FAT3: variants seen among roughly 807,000 people sequenced by gnomAD.
FAT3 encodes the protein FAT atypical cadherin 3.
A neutral mutation model predicts 310.2 loss-of-function variants in FAT3; 95 were observed. The observed-to-expected ratio is 0.31, with a 90% CI of 0.26 to 0.36. The LOEUF (loss-of-function observed/expected upper bound fraction) is 0.36, where lower values mean the gene tolerates loss of function less well. Among genes scored for constraint, FAT3 ranks in the 10% least tolerant of loss-of-function variants. The pLI is 1.00. For missense variants in FAT3, 5,408 were observed against 5,715.6 expected, an observed-to-expected ratio of 0.95 and a Z score of 1.74; for synonymous variants, 2,314 against 2,192.9, an observed-to-expected ratio of 1.06 and a Z score of -1.54.
chr11:92,366,853 G>A (rs1949035535), intron 2 of FAT3: 5 of 534,964 alleles, frequency 9.3e-6, no homozygotes, highest in Middle Eastern at 3.3e-4. Flanking sequence ...TGATGTTGCT[G>A]TAGAAAGGAT....
chr11:92,769,799 A>G (rs1168450468), intron 6 of FAT3, among the ~76,000 whole-genome samples: 1 of 152,126 alleles, frequency 6.6e-6, no homozygotes, highest in African/African-American at 2.4e-5. Context: ...TTGACCCTTC[A>G]TTTGTCATAG....
At chr11:92,788,232 G>A (rs996117843) in intron 7 of FAT3, among the ~76,000 whole-genome samples, 3 of 152,126 alleles carry the variant, frequency 2.0e-5, no homozygotes, top group Admixed American at 6.6e-5. Context: ...GAACTAACTG[G>A]AAGAGGCTCC....
chr11:92,591,792 G>A (rs537224071), intron 3 of FAT3, among the ~76,000 whole-genome samples: 191 of 152,214 alleles, frequency 1.3e-3, no homozygotes, highest in African/African-American at 4.4e-3. Flanking sequence ...TTTGACATAC[G>A]AATTGTTGCA....
At chr11:92,501,815 A>G (rs536189613) in intron 2 of FAT3, among the ~76,000 whole-genome samples, 1 of 152,074 alleles carries the variant, frequency 6.6e-6, no homozygotes, top group East Asian at 2.0e-4. Context: ...CTTATCATCA[A>G]TTCTAGCAGT....
intron 26 of FAT3, among the ~76,000 whole-genome samples, chr11:92,889,525 A>G (rs1949868531): frequency 6.6e-6 from 1 of 152,206 alleles, no homozygotes. Context: ...ATTTATCTTT[A>G]TATTCAACAT....
chr11:92,877,908 A>G (rs1226677006), intron 22 of FAT3, among the ~76,000 whole-genome samples: 1 of 152,232 alleles, frequency 6.6e-6, no homozygotes, highest in Non-Finnish European at 1.5e-5. Flanking sequence ...CATCTAATAC[A>G]CCTAACCTAC....
intron 1 of FAT3, among the ~76,000 whole-genome samples, chr11:92,265,882 C>T (rs1022969967): frequency 2.0e-5 from 3 of 152,060 alleles, no homozygotes; most frequent in Non-Finnish European, 4.4e-5. Context: ...TTAGATTCAA[C>T]ACATACATCT....
At chr11:92,538,111 A>G (rs1591420439) in intron 3 of FAT3, among the ~76,000 whole-genome samples, 1 of 152,130 alleles carries the variant, frequency 6.6e-6, no homozygotes, top group African/African-American at 2.4e-5. Context: ...TCTCTTTATT[A>G]ATAGTTCTTA....
intron 1 of FAT3, among the ~76,000 whole-genome samples, chr11:92,349,123 G>T (rs1032298737): frequency 1.3e-5 from 2 of 152,110 alleles, no homozygotes; most frequent in Non-Finnish European, 2.9e-5. Flanking sequence ...TTGGGCTAAG[G>T]ATCGGCAAAA....
intron 3 of FAT3, among the ~76,000 whole-genome samples, chr11:92,567,816 C>T (rs1323027621): frequency 6.8e-6 from 1 of 147,598 alleles, no homozygotes. Flanking sequence ...TATTCTCACT[C>T]ATAGGTGGGA....
intron 1 of FAT3, chr11:92,336,335 A>G (rs1027825892): frequency 2.7e-4 from 116 of 424,836 alleles, no homozygotes; most frequent in Non-Finnish European, 4.4e-4. Flanking sequence ...CCTCCTGCCA[A>G]TGTACGGTCA....
intron 4 of FAT3, among the ~76,000 whole-genome samples, chr11:92,755,723 A>T (rs1945974336): frequency 1.3e-5 from 2 of 152,186 alleles, no homozygotes; most frequent in Non-Finnish European, 2.9e-5. Context: ...CAAACCACAA[A>T]TGGGCTGCTA....
chr11:92,581,723 C>CGT (rs201781086), intron 3 of FAT3, among the ~76,000 whole-genome samples: 5 of 151,826 alleles, frequency 3.3e-5, no homozygotes, highest in Admixed American at 1.3e-4. Flanking sequence ...TACATATACA[C>CGT]GTGTGTGTGT....
At position 92,801,161 on chromosome 11, in the gene FAT3, C is replaced by T. The variant is rs1565608000; in HGVS notation, c.8148C>T (p.Thr2716=). The T allele has an allele frequency of 1.9e-6, 3 of 1,613,894 alleles. No homozygotes were observed. Among genetic ancestry groups the T allele is most frequent in the Non-Finnish European group, 2.5e-6 (3 of 1,179,876 alleles). Residue 2716 remains threonine, a synonymous_variant, in exon 10 of 28, where the codon ACC becomes ACT. Transcript: ENST00000525166. ...TCACCCAGTCTCAGTATTCCTTTAC[C>T]ATTGCAGAAGATACAGCCATTGGGA... ...PSFTQSQYSF[T]IAEDTAIGST...
intron 2 of FAT3, among the ~76,000 whole-genome samples, chr11:92,504,083 T>C (rs1953028152): frequency 6.6e-6 from 1 of 152,196 alleles, no homozygotes; most frequent in Non-Finnish European, 1.5e-5. Context: ...TGAATTATTA[T>C]GTAATGGAAG....
At chr11:92,886,355 G>A (rs542949748) in intron 24 of FAT3, among the ~76,000 whole-genome samples, 92 of 150,396 alleles carry the variant, frequency 6.1e-4, no homozygotes, top group African/African-American at 2.1e-3. Flanking sequence ...GTGTGTGCAC[G>A]CATGTGCATC....
intron 21 of FAT3, among the ~76,000 whole-genome samples, chr11:92,861,168 A>G (rs1326222087): frequency 6.6e-6 from 1 of 152,150 alleles, no homozygotes; most frequent in African/African-American, 2.4e-5. Context: ...AATTGCTGGG[A>G]AAGTGTTTGG....
chr11:92,642,373 A>T (rs1941995272), intron 3 of FAT3, among the ~76,000 whole-genome samples: 1 of 152,208 alleles, frequency 6.6e-6, no homozygotes, highest in South Asian at 2.1e-4. Context: ...TCAACATCAG[A>T]CATAGAACTG....
chr11:92,885,966 C>G (rs1054591264), intron 24 of FAT3, among the ~76,000 whole-genome samples: 2 of 152,198 alleles, frequency 1.3e-5, no homozygotes, highest in African/African-American at 4.8e-5. Flanking sequence ...CCTGACACCA[C>G]CCTTTTTGGA....
Sources: gnomAD v4.1 joint callset for allele counts (sites outside exome capture counted in the v4.1 genomes callset) on GRCh38, gnomAD v4.1.1 for gene constraint, MANE v1.5 for transcripts, NCBI Gene and HGNC (gene_info 2026-07-23, HGNC 2026-07-21) for gene names.